The following ALG8 variants were observed in gnomAD, a reference collection of about 807,000 sequenced individuals.
ALG8 encodes the protein ALG8 alpha-1,3-glucosyltransferase, also known as dolichyl pyrophosphate Glc1Man9GlcNAc2 alpha-1,3-glucosyltransferase.
Under a neutral mutation model 70.2 loss-of-function variants are expected in ALG8, and 48 were observed. That is an observed-to-expected ratio of 0.68 (90% confidence interval 0.54 to 0.87). The LOEUF (loss-of-function observed/expected upper bound fraction) is 0.87, where lower values mean the gene tolerates loss of function less well. Ranked by LOEUF, ALG8 falls within the 40% of genes least tolerant of loss-of-function variation. The pLI is 0.00. For synonymous variants in ALG8, 234 were observed against 229.0 expected (o/e 1.02, Z -0.20); for missense variants, 572 against 608.7 (o/e 0.94, Z 0.64).
intron 12 of ALG8, 53 bp from the exon 13 acceptor site, chr11:78,101,248 G>A (rs1859784223): frequency 6.8e-6 from 10 of 1,463,798 alleles, no homozygotes; most frequent in Non-Finnish European, 9.5e-6. Flanking sequence ...TCCTGGTTTA[G>A]CAAACATTTC....
intron 7 of ALG8, 25 bp downstream of exon 7, chr11:78,113,861 G>GAAAAAAAA (rs111652232): frequency 6.4e-5 from 80 of 1,243,300 alleles, no homozygotes; most frequent in Middle Eastern, 4.0e-4. Flanking sequence ...TGTATTAATT[G>GAAAAAAAA]AAAAAAAAAA....
At position 78,114,374 on chromosome 11, in the gene ALG8, C is replaced by T; in HGVS notation, c.565G>A (p.Ala189Thr). The change falls in exon 6 of 13, where the codon GCA becomes ACA. Residue 189 changes from alanine to threonine, a missense_variant. By Grantham distance (58) the Ala-to-Thr change is moderately conservative. Transcript: ENST00000299626. ...TGTAGGAGAACAGCAAAGAGAAATG[C>T]TCCTTCCATATGCCTTTTCTAGGAG... ...RLFQKRHMEG[A>T]FLFAVLLHFK... The T allele has an allele frequency of 6.2e-7, 1 of 1,613,994 alleles. No homozygotes were observed. The highest frequency in any genetic ancestry group is 8.5e-7 in the Non-Finnish European group (1 of 1,179,992).
At chr11:78,106,445 C>T (rs1381152256) in intron 10 of ALG8, among the ~76,000 whole-genome samples, 1 of 152,208 alleles carries the variant, frequency 6.6e-6, no homozygotes, top group Non-Finnish European at 1.5e-5. Context: ...GATCTGCCCG[C>T]CTTGGCCTCC....
In ALG8 at chr11:78,109,436, T is replaced by G; in HGVS notation, c.1038+6A>C. On this transcript the variant is annotated splice_donor_region_variant and intron_variant, in intron 9 of 12. Transcript: ENST00000299626. ...AAGAAATGAGCACCATCTGTTGAGTTCTTACCAATATGGCAATCAGTGTGC... is the reference window on the plus strand; with the variant it reads ...AAGAAATGAGCACCATCTGTTGAGTGCTTACCAATATGGCAATCAGTGTGC... The G allele has an allele frequency of 6.2e-7, 1 of 1,614,152 alleles. No individual in the cohort carries two copies. Among genetic ancestry groups the G allele is most frequent in the Non-Finnish European group, 8.5e-7 (1 of 1,180,012 alleles).
intron 7 of ALG8, 69 bp downstream of exon 7, chr11:78,113,817 C>G: frequency 8.1e-7 from 1 of 1,239,516 alleles, no homozygotes; most frequent in Non-Finnish European, 1.1e-6. Flanking sequence ...ATATTCCTGG[C>G]TTTATTAGGT....
Position 78,107,984 on chromosome 11 carries a change from A to G in ALG8, c.1039-1038T>C, listed in dbSNP as rs9667100. The stretch of plus-strand genomic sequence containing the variant: ...AGATGGTGAAACCCTGTCTCTACTA[A>G]AAACTACAAAAAAGGCCGGGTGTGG... On this transcript the variant is annotated intron_variant, in intron 9 of 12. Coordinates refer to ENST00000299626, the MANE Select transcript of ALG8 (RefSeq NM_024079.5). 9.5e-3 allele frequency among the ~76,000 whole-genome samples: 1,436 copies of G among 151,942 alleles called. 20 individuals are homozygous for G. Among genetic ancestry groups the G allele is most frequent in the African/African-American group, 0.033 (1,347 of 41,442 alleles).
intron 1 of ALG8, among the ~76,000 whole-genome samples, chr11:78,136,306 G>GA (rs56313232): frequency 0.013 from 1,736 of 128,842 alleles, 29 homozygotes; most frequent in African/African-American, 0.04. Flanking sequence ...CTACCAAAAA[G>GA]AAAAAAAAAA....
intron 5 of ALG8, chr11:78,114,898 C>G (rs962608408): frequency 1.4e-5 from 3 of 220,678 alleles, no homozygotes; most frequent in African/African-American, 6.9e-5. Context: ...TCTGCTTTAG[C>G]CCAGGAGGTG....
Position 78,106,854 on chromosome 11 carries a change from C to T in ALG8, c.1131G>A (p.Gly377=), listed in dbSNP as rs749616227. 1.9e-6 allele frequency: 3 copies of T among 1,614,074 alleles called. No homozygotes were observed. The South Asian group carries it at 3.3e-5, about 18-fold the overall frequency. Residue 377 remains glycine, a synonymous_variant, in exon 10 of 13, where the codon GGG becomes GGA. Transcript: ENST00000299626. The part of the protein sequence containing the change: ...TLCALSSFMF[G]WHVHEKAILL... ...GTATGGCTTTTTCATGAACATGCCA[C>T]CCAAACATAAAGGAGCTCAAGGCAC... is the stretch of plus-strand genomic sequence containing the variant.
intron 3 of ALG8, 113 bp from the exon 4 acceptor site, chr11:78,121,287 C>CT (rs376124604): frequency 0.068 from 40,526 of 599,620 alleles, no homozygotes; most frequent in East Asian, 0.08. Flanking sequence ...ACATGCCATT[C>CT]TTTTTTTTTT....
intron 1 of ALG8, among the ~76,000 whole-genome samples, chr11:78,130,525 G>C (rs1317775724): frequency 6.6e-6 from 1 of 151,978 alleles, no homozygotes; most frequent in Non-Finnish European, 1.5e-5. Context: ...TGCACTTCTG[G>C]TATTTTATAC....
intron 5 of ALG8, 136 bp from the exon 6 acceptor site, chr11:78,114,528 T>C (rs1860468089): frequency 9.4e-6 from 10 of 1,058,526 alleles, no homozygotes; most frequent in Non-Finnish European, 1.4e-5. Context: ...TGCATCAATA[T>C]TGCTTTCTTA....
intron 8 of ALG8, 43 bp from the exon 9 acceptor site, chr11:78,109,624 TAC>T: frequency 6.5e-7 from 1 of 1,537,878 alleles, no homozygotes; most frequent in Non-Finnish European, 9.0e-7. Flanking sequence ...TTATCTTTAT[TAC>T]TGAGATACCA....
intron 9 of ALG8, chr11:78,107,766 TG>T: frequency 4.8e-6 from 1 of 207,126 alleles, no homozygotes; most frequent in Non-Finnish European, 1.0e-5. Flanking sequence ...CGCTTGAACC[TG>T]GGAGGCAGAG....
chr11:78,114,042 C>T, intron 6 of ALG8, 53 bp from the exon 7 acceptor site: 9 of 1,490,340 alleles, frequency 6.0e-6, no homozygotes, highest in Non-Finnish European at 5.5e-6. Flanking sequence ...GAACATTAAC[C>T]ATAACCTATA....
chr11:78,134,322 G>A (rs1861449635), intron 1 of ALG8, among the ~76,000 whole-genome samples: 1 of 152,144 alleles, frequency 6.6e-6, no homozygotes, highest in African/African-American at 2.4e-5. Flanking sequence ...ATATTTAGTA[G>A]AGACGGGGTT....
At chr11:78,122,300 T>A (rs983228195) in intron 3 of ALG8, among the ~76,000 whole-genome samples, 1 of 152,084 alleles carries the variant, frequency 6.6e-6, no homozygotes, top group Non-Finnish European at 1.5e-5. Flanking sequence ...GTTAATAATC[T>A]GTATATCATG....
chr11:78,121,965 T>C (rs1015871970), intron 3 of ALG8, among the ~76,000 whole-genome samples: 1 of 152,242 alleles, frequency 6.6e-6, no homozygotes, highest in African/African-American at 2.4e-5. Flanking sequence ...GAAAATTATA[T>C]TCGAACACAG....
At chr11:78,136,905 C>CT (rs111381491) in intron 1 of ALG8, among the ~76,000 whole-genome samples, 236 of 145,746 alleles carry the variant, frequency 1.6e-3, no homozygotes, top group Middle Eastern at 0.014. Context: ...TCTTTTCTTC[C>CT]TTTTTTTTTT....
Sources: allele counts gnomAD v4.1 joint callset (sites outside exome capture counted in the v4.1 genomes callset), GRCh38; gene constraint gnomAD v4.1.1; transcripts MANE v1.5; gene names NCBI Gene and HGNC (gene_info 2026-07-23, HGNC 2026-07-21).